Variants in LAMA2 observed in about 807,000 individuals in gnomAD.
LAMA2 encodes laminin subunit alpha-2.
Under a neutral mutation model 364.8 loss-of-function variants are expected in LAMA2, and 269 were observed. The ratio of observed to expected loss-of-function variants is 0.74; its 90% CI spans 0.67 to 0.82. LAMA2 has a LOEUF of 0.82. LAMA2 is among the 40% of genes least tolerant of loss of function. The pLI, the probability that LAMA2 is intolerant of heterozygous loss-of-function variation, is 0.00. For synonymous variants in LAMA2, 1,379 were observed against 1,370.6 expected (o/e 1.01, Z -0.14); for missense variants, 3,807 against 3,873.2 (o/e 0.98, Z 0.45).
At chr6:129,394,964 T>C (rs1282980484) in intron 37 of LAMA2, among the ~76,000 whole-genome samples, 2 of 152,146 alleles carry the variant, frequency 1.3e-5, no homozygotes, top group East Asian at 1.9e-4. Context: ...CTGGATAAAA[T>C]AGATAAACTA....
chr6:129,361,677 C>A (rs1258092026), intron 32 of LAMA2, among the ~76,000 whole-genome samples: 2 of 151,872 alleles, frequency 1.3e-5, no homozygotes, highest in African/African-American at 4.8e-5. Flanking sequence ...TGCTCTGCCA[C>A]ATTCTGTTGG....
chr6:128,943,705 C>T (rs1780320902), intron 1 of LAMA2, among the ~76,000 whole-genome samples: 1 of 152,158 alleles, frequency 6.6e-6, no homozygotes, highest in African/African-American at 2.4e-5. Context: ...AAGAAATCAT[C>T]AAATGCTACC....
chr6:128,984,026 A>G (rs1783057457), intron 1 of LAMA2, among the ~76,000 whole-genome samples: 1 of 152,208 alleles, frequency 6.6e-6, no homozygotes, highest in South Asian at 2.1e-4. Flanking sequence ...ATCAGAACCT[A>G]GTAAACATTG....
At chr6:129,344,329 T>C (rs1776427856) in intron 30 of LAMA2, among the ~76,000 whole-genome samples, 1 of 152,164 alleles carries the variant, frequency 6.6e-6, no homozygotes, top group South Asian at 2.1e-4. Flanking sequence ...TTAATACAGC[T>C]TTACAGATTC....
chr6:129,372,414 A>G (rs756955116), intron 34 of LAMA2, among the ~76,000 whole-genome samples: 5 of 152,156 alleles, frequency 3.3e-5, no homozygotes, highest in Non-Finnish European at 7.3e-5. Flanking sequence ...ACTTTTTCAT[A>G]TTAGCTTCTT....
intron 1 of LAMA2, among the ~76,000 whole-genome samples, chr6:128,950,639 C>T (rs1242151935): frequency 6.6e-6 from 1 of 152,050 alleles, no homozygotes; most frequent in Non-Finnish European, 1.5e-5. Context: ...GCTGTTTGAC[C>T]TCAGTCAAGT....
At chr6:129,109,120 C>T (rs1454683895) in intron 4 of LAMA2, among the ~76,000 whole-genome samples, 5 of 151,934 alleles carry the variant, frequency 3.3e-5, no homozygotes, top group South Asian at 2.1e-4. Flanking sequence ...GTGGGTGTCC[C>T]GGGGCCACAC....
At chr6:129,159,628 C>G (rs1301209595) in intron 8 of LAMA2, among the ~76,000 whole-genome samples, 2 of 152,196 alleles carry the variant, frequency 1.3e-5, no homozygotes, top group Admixed American at 6.5e-5. Context: ...CCTTTGCAAT[C>G]TTTATGCCAA....
Position 129,478,693 on chromosome 6 carries a change from G to T in LAMA2, c.7452G>T (p.Arg2484Ser), listed in dbSNP as rs777681212. The T allele has an allele frequency of 1.2e-6, 2 of 1,613,318 alleles. No homozygotes were observed. The highest frequency in any genetic ancestry group is 1.3e-5 in the African/African-American group (1 of 74,876). Residue 2484 changes from arginine (R) to serine (S), a missense_variant and splice_region_variant, in exon 54 of 65, where the codon AGG becomes AGT. Physicochemically the swap from Arg to Ser is moderately radical, Grantham distance 110 (BLOSUM62 -1). Transcript: ENST00000421865. ...TGCTTTTCATTTGACTATTCAATAG[G>T]CCAGAAGTAAATCTGAAGAAATATT... Reference protein sequence around the residue: ...PTLRNLSMKARPEVNLKKYSG... With the variant: ...PTLRNLSMKASPEVNLKKYSG...
chr6:129,513,069 CT>C (rs1441195901), intron 63 of LAMA2, among the ~76,000 whole-genome samples: 2 of 152,294 alleles, frequency 1.3e-5, no homozygotes, highest in African/African-American at 4.8e-5. Context: ...ATTAAGACAA[CT>C]TTGCACTATA....
rs1320815825 is a variant in LAMA2, at chr6:129,280,049, A to C, written c.2451-12A>C. On this transcript the variant is annotated splice_polypyrimidine_tract_variant and intron_variant, in intron 17 of 64. Coordinates refer to ENST00000421865, the MANE Select transcript of LAMA2 (RefSeq NM_000426.4). ...TTCCTTGTCCCTGTTTTCCGCAACA[A>C]CATCAACATAGCTTTAGCCCAACGT... 8.2e-6 allele frequency: 13 copies of C among 1,594,538 alleles called. No homozygotes were observed. Among genetic ancestry groups the C allele is most frequent in the Non-Finnish European group, 1.1e-5 (13 of 1,162,340 alleles).
At chr6:129,163,405 A>G (rs9492253) in intron 8 of LAMA2, among the ~76,000 whole-genome samples, 51,693 of 151,848 alleles carry the variant, frequency 0.34, 12,642 homozygotes, top group African/African-American at 0.7. Context: ...AGGCCGAAGC[A>G]GGCAAGTCGC....
Position 128,886,246 on chromosome 6 carries a change from C to T in LAMA2, c.112+2889C>T, listed in dbSNP as rs140268351. Reference sequence around the variant, plus strand: ...TTTTAAAGGTCTCTATAGCCTTGACCATGAATGGCACCTACATGAAGTTGC... The same window carrying T: ...TTTTAAAGGTCTCTATAGCCTTGACTATGAATGGCACCTACATGAAGTTGC... On this transcript the variant is annotated intron_variant, in intron 1 of 64. Transcript: ENST00000421865. Among the ~76,000 whole-genome samples the T allele has an allele frequency of 8.8e-3, 1,331 of 152,078 alleles. 11 individuals are homozygous for T. Among genetic ancestry groups the T allele is most frequent in the Middle Eastern group, 0.014 (4 of 290 alleles).
chr6:129,014,166 T>C (rs1403181742), intron 1 of LAMA2, among the ~76,000 whole-genome samples: 1 of 152,196 alleles, frequency 6.6e-6, no homozygotes, highest in African/African-American at 2.4e-5. Context: ...AGTTCTGCTA[T>C]AGCCATACTG....
At chr6:129,208,733 A>AG (rs1782884207) in intron 12 of LAMA2, among the ~76,000 whole-genome samples, 1 of 135,046 alleles carries the variant, frequency 7.4e-6, no homozygotes, top group African/African-American at 2.6e-5. Context: ...GAGGGAAGGA[A>AG]GGAGGGAGGG....
At chr6:129,383,498 A>G (rs1778812241) in intron 35 of LAMA2, among the ~76,000 whole-genome samples, 2 of 152,220 alleles carry the variant, frequency 1.3e-5, no homozygotes, top group Admixed American at 1.3e-4. Flanking sequence ...TTATAATTAC[A>G]TAAGAATAGG....
chr6:128,989,261 T>C (rs904098943), intron 1 of LAMA2, among the ~76,000 whole-genome samples: 4 of 152,140 alleles, frequency 2.6e-5, no homozygotes, highest in African/African-American at 9.7e-5. Flanking sequence ...AAATATATAA[T>C]ATGAAGATAG....
rs142349928 is a variant in LAMA2 at position 129,255,510 on chromosome 6, A to T, written c.2096+3215A>T. On this transcript the variant is annotated intron_variant, in intron 14 of 64. Transcript: ENST00000421865. ...CCAGGCCTGTAGAGGATTTTACATG[A>T]GTAAGCCTTTGTTTTCTGTTAAGCC... 2.8e-3 allele frequency among the ~76,000 whole-genome samples: 425 copies of T among 149,758 alleles called. 3 individuals are homozygous for T. Among genetic ancestry groups the T allele is most frequent in the African/African-American group, 0.01 (410 of 40,986 alleles).
chr6:129,129,834 G>A (rs1055704957), intron 4 of LAMA2, among the ~76,000 whole-genome samples: 1 of 146,918 alleles, frequency 6.8e-6, no homozygotes, highest in Non-Finnish European at 1.5e-5. Flanking sequence ...TGAGGCAGGA[G>A]AATGGCGTGA....
Sources: allele counts gnomAD v4.1 joint callset (sites outside exome capture counted in the v4.1 genomes callset), GRCh38; gene constraint gnomAD v4.1.1; transcripts MANE v1.5; gene names NCBI Gene and HGNC (gene_info 2026-07-23, HGNC 2026-07-21).